The following CDK14 variants were observed in gnomAD, a reference collection of about 807,000 sequenced individuals.
CDK14 encodes the protein cyclin-dependent kinase 14.
CDK14 carries 34 observed loss-of-function variants against 60.7 expected under a neutral mutation model. The ratio of observed to expected loss-of-function variants is 0.56; its 90% confidence interval spans 0.43 to 0.75. CDK14 has a LOEUF of 0.75. Ranked by LOEUF, CDK14 falls within the 30% of genes least tolerant of loss-of-function variation. The pLI is 0.00. For synonymous variants in CDK14, 197 were observed against 203.7 expected (o/e 0.97, Z 0.28); for missense variants, 482 against 564.1 (o/e 0.85, Z 1.47).
intron 9 of CDK14, among the ~76,000 whole-genome samples, chr7:90,963,381 C>T (rs1349564716): frequency 1.3e-5 from 2 of 151,718 alleles, no homozygotes; most frequent in Non-Finnish European, 2.9e-5. Flanking sequence ...CACCATTGCA[C>T]TCCAGCCTGG....
chr7:90,852,407 G>A (rs1282455171), intron 5 of CDK14, among the ~76,000 whole-genome samples: 1 of 152,098 alleles, frequency 6.6e-6, no homozygotes, highest in Non-Finnish European at 1.5e-5. Flanking sequence ...CCCTTTATAG[G>A]TATGTATTCC....
intron 3 of CDK14, among the ~76,000 whole-genome samples, chr7:90,727,041 T>C (rs1292176913): frequency 6.6e-6 from 1 of 152,150 alleles, no homozygotes; most frequent in African/African-American, 2.4e-5. Context: ...TTTGGAAAAA[T>C]CATTTTTCCC....
At chr7:91,064,139 C>T (rs139506911) in intron 11 of CDK14, among the ~76,000 whole-genome samples, 86 of 152,236 alleles carry the variant, frequency 5.6e-4, no homozygotes, top group African/African-American at 1.9e-3. Context: ...GGCACTCTGA[C>T]GCAGGTGGAA....
intron 6 of CDK14, among the ~76,000 whole-genome samples, chr7:90,877,062 T>G (rs1259516359): frequency 6.6e-6 from 1 of 152,166 alleles, no homozygotes; most frequent in Admixed American, 6.5e-5. Context: ...TGTTTTTTTA[T>G]GATTTGTTAT....
intron 2 of CDK14, among the ~76,000 whole-genome samples, chr7:90,715,068 G>C (rs1802198242): frequency 6.6e-6 from 1 of 151,964 alleles, no homozygotes; most frequent in African/African-American, 2.4e-5. Context: ...TTTCTCTTCA[G>C]TTTTCATGTT....
intron 14 of CDK14, among the ~76,000 whole-genome samples, chr7:91,175,284 G>A (rs1379182606): frequency 1.3e-5 from 2 of 152,058 alleles, no homozygotes; most frequent in African/African-American, 2.4e-5. Flanking sequence ...CACCAGGCCT[G>A]CCTTACAAGA....
rs1055722974 is a variant in CDK14, at chr7:90,658,844, A to G, written c.123+54595A>G. Among the ~76,000 whole-genome samples, 4 of 152,176 alleles carry G rather than the reference A, an allele frequency of 2.6e-5. 1 individual carries two copies. Among genetic ancestry groups the G allele is most frequent in the African/African-American group, 4.8e-5 (2 of 41,454 alleles). ...GAGTGTAATTGATGTGTCATATGGTAACTATGATATGTTTAGCATTTCTGA... is the reference window on the plus strand; with the variant it reads ...GAGTGTAATTGATGTGTCATATGGTGACTATGATATGTTTAGCATTTCTGA... On this transcript the variant is annotated intron_variant, in intron 2 of 14. Coordinates refer to ENST00000380050, the MANE Select transcript of CDK14 (RefSeq NM_001287135.2).
chr7:90,614,006 C>CTTTT (rs34900577), intron 2 of CDK14, among the ~76,000 whole-genome samples: 16 of 130,808 alleles, frequency 1.2e-4, no homozygotes, highest in African/African-American at 2.6e-4. Context: ...GTCCCAAACA[C>CTTTT]TTTTTTTTTT....
chr7:90,865,271 A>C (rs1229086767), intron 6 of CDK14, among the ~76,000 whole-genome samples: 1 of 152,158 alleles, frequency 6.6e-6, no homozygotes, highest in Non-Finnish European at 1.5e-5. Context: ...TCTTAGGGAT[A>C]GTCTTCTCAT....
At position 90,596,480 on chromosome 7, in the gene CDK14, G is replaced by A; in HGVS notation, c.-148G>A. 5.2e-6 allele frequency: 3 copies of A among 577,030 alleles called. No homozygotes were observed. The highest frequency in any genetic ancestry group is 9.1e-6 in the Non-Finnish European group (3 of 329,912). 35.7% of individuals were successfully genotyped at this position (577,030 alleles called of 1,614,324 possible). On this transcript the variant is annotated 5_prime_UTR_variant, in exon 1 of 15. Transcript: ENST00000380050. ...GCCGTCCTCCGCCTGCCTGCTGCTC[G>A]CCTCCCTAGACCTGCGCGTCGCTTC...
intron 2 of CDK14, among the ~76,000 whole-genome samples, chr7:90,652,669 T>C (rs1800668691): frequency 6.6e-6 from 1 of 152,238 alleles, no homozygotes; most frequent in Non-Finnish European, 1.5e-5. Flanking sequence ...ATAATAATGG[T>C]ACTTCCTGTA....
In CDK14 at chr7:91,208,997, A is replaced by G. The variant is rs538031905; in HGVS notation, c.*1861A>G. On this transcript the variant is annotated 3_prime_UTR_variant, in exon 15 of 15. Transcript: ENST00000380050. The stretch of plus-strand genomic sequence containing the variant: ...CTTTAGAGGTATTTTGATTTAAAGT[A>G]TACTTAAATTAGGATTTCTTAAAGA... 8 of 152,748 alleles carry G rather than the reference A, an allele frequency of 5.2e-5. No individual in the cohort carries two copies. The highest frequency in any genetic ancestry group is 1.2e-4 in the Non-Finnish European group (8 of 68,020). 9.5% of individuals were successfully genotyped at this position (152,748 alleles called of 1,614,324 possible). A position where few individuals can be genotyped will look rare whatever the true frequency, so the allele number is the denominator to read the frequency against.
chr7:90,671,599 A>AT (rs1254799475), intron 2 of CDK14, among the ~76,000 whole-genome samples: 2 of 152,082 alleles, frequency 1.3e-5, no homozygotes, highest in African/African-American at 4.8e-5. Context: ...GCAAGCTCGT[A>AT]TATTTTTATC....
intron 5 of CDK14, among the ~76,000 whole-genome samples, chr7:90,836,569 T>G (rs555606210): frequency 6.6e-6 from 1 of 152,290 alleles, no homozygotes; most frequent in East Asian, 1.9e-4. Context: ...AGAACCTGCC[T>G]AAGGCTGTTT....
intron 6 of CDK14, among the ~76,000 whole-genome samples, chr7:90,888,023 A>G (rs1445767342): frequency 1.3e-5 from 2 of 152,262 alleles, no homozygotes; most frequent in East Asian, 3.9e-4. Context: ...TTAATATTTT[A>G]TATTTGATTA....
At chr7:90,732,727 C>T (rs547730291) in intron 3 of CDK14, among the ~76,000 whole-genome samples, 1 of 152,220 alleles carries the variant, frequency 6.6e-6, no homozygotes, top group South Asian at 2.1e-4. Context: ...TGATTCTTCT[C>T]TCTTTTCTTC....
At chr7:90,659,607 A>T (rs1256786383) in intron 2 of CDK14, among the ~76,000 whole-genome samples, 1 of 152,172 alleles carries the variant, frequency 6.6e-6, no homozygotes, top group Non-Finnish European at 1.5e-5. Context: ...CTGAAACAGT[A>T]CCTTTGGTTA....
intron 10 of CDK14, among the ~76,000 whole-genome samples, chr7:91,032,123 G>T (rs1192807798): frequency 6.6e-6 from 1 of 152,144 alleles, no homozygotes; most frequent in African/African-American, 2.4e-5. Context: ...GGGCACCTAG[G>T]CAGGGTCCCC....
chr7:91,003,479 C>G (rs757086666), intron 10 of CDK14, among the ~76,000 whole-genome samples: 1 of 152,118 alleles, frequency 6.6e-6, no homozygotes, highest in African/African-American at 2.4e-5. Flanking sequence ...AAAAATAAAT[C>G]GTTTGTTCCT....
Sources: allele counts gnomAD v4.1 joint callset (sites outside exome capture counted in the v4.1 genomes callset), GRCh38; gene constraint gnomAD v4.1.1; transcripts MANE v1.5; gene names NCBI Gene and HGNC (gene_info 2026-07-23, HGNC 2026-07-21).